PSME4: variants seen among roughly 807,000 people sequenced by gnomAD.
PSME4 encodes proteasome activator subunit 4, also known as proteasome activator complex subunit 4.
PSME4 carries 89 observed loss-of-function variants against 253.9 expected under a neutral mutation model. The ratio of observed to expected loss-of-function variants is 0.35; its 90% CI spans 0.30 to 0.42. The LOEUF (loss-of-function observed/expected upper bound fraction) is 0.42, where lower values mean the gene tolerates loss of function less well. PSME4 is among the 10% of genes least tolerant of loss of function. The pLI is 1.00. For synonymous variants in PSME4, 851 were observed against 759.2 expected, an observed-to-expected ratio of 1.12 and a Z score of -1.99; for missense variants, 2,014 against 2,195.2, an observed-to-expected ratio of 0.92 and a Z score of 1.65.
Position 53,948,457 on chromosome 2 carries a change from G to C in PSME4, c.464C>G (p.Ser155Cys), listed in dbSNP as rs761844688. The change falls in exon 3 of 47, where the codon TCC (serine) becomes TGC (cysteine). Residue 155 changes from serine to cysteine, a missense_variant. Ser to Cys is a moderately radical substitution (Grantham distance 112, BLOSUM62 -1). Around this residue, in one of 4 missense-constraint regions of PSME4, gnomAD observed 615 missense variants for 594.4 expected, o/e 1.03. Transcript: ENST00000404125. Reference sequence around the variant, plus strand: ...ATTTAATCCTAGGTGCTCTGTCTTGGAATATAATATTCTTTCTACCATGTC... The same window carrying C: ...ATTTAATCCTAGGTGCTCTGTCTTGCAATATAATATTCTTTCTACCATGTC... ...LYDMVERILY[S>C]KTEHLGLNWF... The C allele has an allele frequency of 3.1e-6, 5 of 1,612,626 alleles. No homozygotes were observed. Among genetic ancestry groups the C allele is most frequent in the Non-Finnish European group, 4.2e-6 (5 of 1,178,870 alleles).
chr2:53,917,068 G>A (rs1668093602), intron 20 of PSME4, among the ~76,000 whole-genome samples: 1 of 150,516 alleles, frequency 6.6e-6, no homozygotes, highest in South Asian at 2.1e-4. Flanking sequence ...TAAGTATCAG[G>A]AAGCATTTTA....
At chr2:53,968,823 A>C (rs1010549478) in intron 1 of PSME4, among the ~76,000 whole-genome samples, 1 of 152,242 alleles carries the variant, frequency 6.6e-6, no homozygotes, top group African/African-American at 2.4e-5. Flanking sequence ...ATAAGCCAAA[A>C]CAATAACAAA....
intron 8 of PSME4, among the ~76,000 whole-genome samples, chr2:53,933,326 T>C (rs1313783905): frequency 2.3e-5 from 3 of 131,856 alleles, no homozygotes; most frequent in African/African-American, 9.0e-5. Context: ...TGCAGTGAGC[T>C]GAAATCACGC....
chr2:53,937,992 CAA>C (rs761577710), intron 4 of PSME4, among the ~76,000 whole-genome samples: 6 of 113,300 alleles, frequency 5.3e-5, no homozygotes, highest in Non-Finnish European at 3.8e-5. Context: ...GACTCCATCT[CAA>C]AAAAAAAAAA....
chr2:53,901,565 GAA>G lies in PSME4; in HGVS notation c.3076-8_3076-7del. The G allele has an allele frequency of 6.4e-7, 1 of 1,557,208 alleles. No individual in the cohort carries two copies. Among genetic ancestry groups the G allele is most frequent in the Non-Finnish European group, 8.7e-7 (1 of 1,145,724 alleles). ...AGGAGACAGTACAAGGCACCCTGCA[GAA>G]AAAAAAATATATATATGTTTACATG... On this transcript the variant is annotated splice_region_variant and splice_polypyrimidine_tract_variant and intron_variant, in intron 27 of 46. Coordinates refer to ENST00000404125, the MANE Select transcript of PSME4 (RefSeq NM_014614.3).
At chr2:53,961,967 C>G (rs548287726) in intron 1 of PSME4, among the ~76,000 whole-genome samples, 291 of 152,156 alleles carry the variant, frequency 1.9e-3, no homozygotes, top group Non-Finnish European at 3.3e-3. Flanking sequence ...TTAAAAGAGG[C>G]AAAGGCAGAG....
chr2:53,955,012 T>C (rs1197691519), intron 1 of PSME4, among the ~76,000 whole-genome samples: 2 of 149,908 alleles, frequency 1.3e-5, no homozygotes, highest in Admixed American at 6.6e-5. Flanking sequence ...ACCCCGTCTC[T>C]ATAAAAAAAA....
intron 41 of PSME4, among the ~76,000 whole-genome samples, chr2:53,883,626 T>G (rs527794087): frequency 7.2e-5 from 11 of 152,344 alleles, no homozygotes; most frequent in Non-Finnish European, 1.5e-4. Flanking sequence ...TCTAGTCCTC[T>G]TAAATGGTTC....
chr2:53,967,003 C>T (rs889058558), intron 1 of PSME4, among the ~76,000 whole-genome samples: 1 of 152,100 alleles, frequency 6.6e-6, no homozygotes, highest in Non-Finnish European at 1.5e-5. Flanking sequence ...TTTAAGAATA[C>T]CTTTCTTCAA....
chr2:53,927,543 T>C (rs1668614243), intron 11 of PSME4, 60 bp from the exon 12 acceptor site: 7 of 1,129,556 alleles, frequency 6.2e-6, no homozygotes, highest in Non-Finnish European at 9.4e-6. Flanking sequence ...AATACAAGTA[T>C]ACCATGAACT....
At chr2:53,959,975 ATTT>A (rs1670407512) in intron 1 of PSME4, among the ~76,000 whole-genome samples, 1 of 152,178 alleles carries the variant, frequency 6.6e-6, no homozygotes. Context: ...TTGTGGATTG[ATTT>A]TTTTAGCCCA....
chr2:53,869,327 C>G, intron 44 of PSME4, 49 bp downstream of exon 44: 1 of 1,501,148 alleles, frequency 6.7e-7, no homozygotes, highest in Non-Finnish European at 9.1e-7. Context: ...CCTGGTTAAC[C>G]CTCATTAATT....
chr2:53,967,557 G>A (rs1305201492), intron 1 of PSME4, among the ~76,000 whole-genome samples: 1 of 141,054 alleles, frequency 7.1e-6, no homozygotes, highest in Non-Finnish European at 1.5e-5. Context: ...CAGGAGAATC[G>A]TTTGAACCAG....
intron 12 of PSME4, among the ~76,000 whole-genome samples, chr2:53,926,439 C>T (rs912059233): frequency 2.6e-5 from 4 of 152,078 alleles, no homozygotes; most frequent in African/African-American, 7.2e-5. Context: ...TTTGGGAGGC[C>T]GAGGCAAGCG....
At chr2:53,965,136 T>A (rs1670656173) in intron 1 of PSME4, among the ~76,000 whole-genome samples, 1 of 152,068 alleles carries the variant, frequency 6.6e-6, no homozygotes, top group Non-Finnish European at 1.5e-5. Flanking sequence ...ATGGATGGGA[T>A]AAGTTGTAGG....
intron 27 of PSME4, among the ~76,000 whole-genome samples, chr2:53,901,850 G>A (rs532481177): frequency 6.6e-6 from 1 of 152,258 alleles, no homozygotes; most frequent in East Asian, 1.9e-4. Context: ...AAGGCAGACT[G>A]GTTGAGCTCA....
intron 36 of PSME4, among the ~76,000 whole-genome samples, chr2:53,891,998 C>A (rs975518750): frequency 6.6e-6 from 1 of 152,014 alleles, no homozygotes; most frequent in Non-Finnish European, 1.5e-5. Flanking sequence ...TTTCCAGTGG[C>A]AGCACTGTTT....
Position 53,898,316 on chromosome 2 carries a change from A to C in PSME4, c.3461T>G (p.Val1154Gly). ...TTGCACTTACAGGTTTCTTTGCTCC[A>C]CACCATCTAGCAAGGTGTCTACCAA... ...ENLVDTLLDG[V>G]EQRNLPWKFE... Residue 1154 changes from valine (V) to glycine (G), a missense_variant, in exon 30 of 47, where the codon GTG becomes GGG. Physicochemically the swap from Val to Gly is moderately radical, Grantham distance 109. This residue lies in a region of PSME4 where 989 missense variants were observed against 1,021.1 expected (regional missense o/e 0.97). Transcript: ENST00000404125. The C allele has an allele frequency of 6.2e-7, 1 of 1,607,922 alleles. No individual in the cohort carries two copies. Among genetic ancestry groups the C allele is most frequent in the African/African-American group, 1.3e-5 (1 of 74,778 alleles).
intron 36 of PSME4, among the ~76,000 whole-genome samples, chr2:53,891,014 A>C (rs805405): frequency 6.6e-6 from 1 of 151,956 alleles, no homozygotes; most frequent in African/African-American, 2.4e-5. Context: ...GCAACGGAGC[A>C]AGACTCCGTC....
Sources: gnomAD v4.1 joint callset for allele counts (sites outside exome capture counted in the v4.1 genomes callset) on GRCh38, gnomAD v4.1.1 for gene constraint, gnomAD v4.1.1 regional missense constraint, MANE v1.5 for transcripts, NCBI Gene and HGNC (gene_info 2026-07-23, HGNC 2026-07-21) for gene names.